RIMS1: variants seen among roughly 807,000 people sequenced by gnomAD.
RIMS1 encodes regulating synaptic membrane exocytosis protein 1.
RIMS1 carries 83 observed loss-of-function variants against 214.1 expected under a neutral mutation model. The ratio of observed to expected loss-of-function variants is 0.39; its 90% CI spans 0.32 to 0.47. The LOEUF is 0.47. Among genes scored for constraint, RIMS1 ranks in the 20% least tolerant of loss-of-function variants. The pLI is 0.99. For synonymous variants in RIMS1, 793 were observed against 786.8 expected (o/e 1.01, Z -0.13); for missense variants, 2,050 against 2,161.8 (o/e 0.95, Z 1.03).
At chr6:72,083,459 C>T (rs1212272857) in intron 2 of RIMS1, among the ~76,000 whole-genome samples, 2 of 151,976 alleles carry the variant, frequency 1.3e-5, no homozygotes, top group African/African-American at 4.8e-5. Flanking sequence ...TGCTTGTGGG[C>T]TCATTTTTCA....
At chr6:72,037,774 TCAGAGAA>T in intron 2 of RIMS1, among the ~76,000 whole-genome samples, 1 of 152,118 alleles carries the variant, frequency 6.6e-6, no homozygotes, top group South Asian at 2.1e-4. Flanking sequence ...TCTTACTTTA[TCAGAGAA>T]CAAACAGTTT....
intron 31 of RIMS1, among the ~76,000 whole-genome samples, chr6:72,396,227 G>T (rs1259264740): frequency 6.6e-6 from 1 of 152,108 alleles, no homozygotes; most frequent in Non-Finnish European, 1.5e-5. Flanking sequence ...AAAATTATCA[G>T]ACTGAAAATA....
chr6:72,389,827 G>A (rs2098673648), intron 29 of RIMS1, among the ~76,000 whole-genome samples: 1 of 152,164 alleles, frequency 6.6e-6, no homozygotes, highest in South Asian at 2.1e-4. Context: ...ATAGAATGCT[G>A]GTTAGTGCAT....
rs569215340 is a variant in RIMS1, at chr6:72,110,433, G to A, written c.471+10447G>A. 3.3e-5 allele frequency among the ~76,000 whole-genome samples: 5 copies of A among 150,812 alleles called. No individual in the cohort carries two copies. The East Asian group carries it at 9.7e-4, about 29-fold the overall frequency. On this transcript the variant is annotated intron_variant, in intron 4 of 33. Transcript: ENST00000521978. ...GGTCCTTCACATCCCTTGTAAGTTG[G>A]ATTCCTAGGTATTTTATTCTCTTTG...
At chr6:72,118,839 C>T (rs1005995281) in intron 4 of RIMS1, among the ~76,000 whole-genome samples, 1 of 151,320 alleles carries the variant, frequency 6.6e-6, no homozygotes, top group Non-Finnish European at 1.5e-5. Context: ...TAATAAAAGC[C>T]CTATATGATG....
intron 2 of RIMS1, among the ~76,000 whole-genome samples, chr6:71,974,631 A>G (rs962148354): frequency 1.3e-5 from 2 of 152,142 alleles, no homozygotes; most frequent in Non-Finnish European, 2.9e-5. Context: ...TAATTAGAAT[A>G]TAGTGATTCA....
intron 2 of RIMS1, among the ~76,000 whole-genome samples, chr6:71,999,524 T>C (rs995639455): frequency 2.6e-5 from 4 of 152,164 alleles, no homozygotes; most frequent in African/African-American, 9.6e-5. Flanking sequence ...CCTTTCAGAA[T>C]TCTGTTGATT....
At chr6:72,040,289 T>TA (rs1372088605) in intron 2 of RIMS1, among the ~76,000 whole-genome samples, 4 of 152,140 alleles carry the variant, frequency 2.6e-5, no homozygotes, top group African/African-American at 9.6e-5. Context: ...GGTGTCCAGT[T>TA]ACAGTTTTCA....
intron 24 of RIMS1, among the ~76,000 whole-genome samples, chr6:72,288,788 C>T (rs74914111): frequency 0.067 from 10,139 of 152,260 alleles, 403 homozygotes; most frequent in Non-Finnish European, 0.092. Flanking sequence ...GGCAAAGTGG[C>T]TTTCTACGCT....
At chr6:72,113,393 A>G (rs1035832489) in intron 4 of RIMS1, among the ~76,000 whole-genome samples, 2 of 151,886 alleles carry the variant, frequency 1.3e-5, no homozygotes, top group Non-Finnish European at 2.9e-5. Context: ...TTTTATTCTT[A>G]TTTTTATGCT....
intron 2 of RIMS1, among the ~76,000 whole-genome samples, chr6:71,991,938 G>T (rs1801680891): frequency 6.6e-6 from 1 of 152,116 alleles, no homozygotes; most frequent in Non-Finnish European, 1.5e-5. Flanking sequence ...GTTGGCAGGT[G>T]CCTGTAATCC....
At chr6:72,027,787 G>A (rs6921955) in intron 2 of RIMS1, among the ~76,000 whole-genome samples, 1 of 152,034 alleles carries the variant, frequency 6.6e-6, no homozygotes, top group Middle Eastern at 3.4e-3. Context: ...TGGGAGTATA[G>A]GAGAAATTAG....
At chr6:71,959,164 A>ATATTTTTAC (rs1792172481) in intron 1 of RIMS1, among the ~76,000 whole-genome samples, 1 of 152,172 alleles carries the variant, frequency 6.6e-6, no homozygotes, top group East Asian at 1.9e-4. Flanking sequence ...TACAAAAGTA[A>ATATTTTTAC]AAGCCCAGGT....
At chr6:71,891,928 C>T (rs981231744) in intron 1 of RIMS1, among the ~76,000 whole-genome samples, 1 of 152,190 alleles carries the variant, frequency 6.6e-6, no homozygotes, top group Non-Finnish European at 1.5e-5. Flanking sequence ...ATTATCCGCC[C>T]ATACCTGTAA....
At chr6:72,209,753 T>G (rs2053507685) in intron 6 of RIMS1, among the ~76,000 whole-genome samples, 1 of 151,840 alleles carries the variant, frequency 6.6e-6, no homozygotes, top group South Asian at 2.1e-4. Context: ...TACAAAAAAT[T>G]AGCTGGATGT....
chr6:72,277,370 A>G (rs1216304051), intron 23 of RIMS1, among the ~76,000 whole-genome samples: 1 of 152,130 alleles, frequency 6.6e-6, no homozygotes, highest in African/African-American at 2.4e-5. Flanking sequence ...TCATGAGGTC[A>G]GGAGATCGAG....
chr6:72,246,391 T>C (rs2069727364), intron 11 of RIMS1, among the ~76,000 whole-genome samples: 1 of 152,132 alleles, frequency 6.6e-6, no homozygotes, highest in Non-Finnish European at 1.5e-5. Context: ...ATATGGGAAT[T>C]TAAGTCGTTT....
chr6:72,281,293 T>G lies in RIMS1; in HGVS notation c.3483-2754T>G, dbSNP rs114863333. ...ATTATATGAGATAATGCAGATAAAG[T>G]GAACATGCTATCACAGAGAAAGCTC... On this transcript the variant is annotated intron_variant, in intron 23 of 33. Coordinates refer to ENST00000521978, the MANE Select transcript of RIMS1 (RefSeq NM_014989.7). Among the ~76,000 whole-genome samples the G allele has an allele frequency of 8.1e-3, 1,232 of 152,224 alleles. 19 individuals are homozygous for G. The highest frequency in any genetic ancestry group is 0.029 in the African/African-American group (1,197 of 41,560).
chr6:72,258,968 A>G lies in RIMS1; in HGVS notation c.2928-18A>G, dbSNP rs534444556. 5.0e-6 allele frequency: 8 copies of G among 1,611,830 alleles called. No homozygotes were observed. In the African/African-American group the frequency reaches 8.0e-5, roughly 16 times the overall value. On this transcript the variant is annotated intron_variant, in intron 17 of 33. Transcript: ENST00000521978. ...AGATGATACAATTTGACACATAAGA[A>G]TTTTGTAATCATTTTAGGAGTTTAG...
Sources: gnomAD v4.1 joint callset for allele counts (sites outside exome capture counted in the v4.1 genomes callset) on GRCh38, gnomAD v4.1.1 for gene constraint, MANE v1.5 for transcripts, NCBI Gene and HGNC (gene_info 2026-07-23, HGNC 2026-07-21) for gene names.